Variants in TRHDE observed in about 807,000 individuals in gnomAD.
TRHDE encodes the protein thyrotropin-releasing hormone-degrading ectoenzyme.
In TRHDE, 72 loss-of-function variants were observed where a neutral mutation model predicts 125.7. The ratio of observed to expected loss-of-function variants is 0.57; its 90% confidence interval spans 0.47 to 0.70. The LOEUF is 0.70. Among genes scored for constraint, TRHDE ranks in the 30% least tolerant of loss-of-function variants. TRHDE has a pLI of 0.00. For missense variants in TRHDE, 1,110 were observed against 1,327.1 expected, an observed-to-expected ratio of 0.84 and a Z score of 2.54; for synonymous variants, 509 against 509.1, an observed-to-expected ratio of 1.00 and a Z score of 0.00.
chr12:72,632,676 G>T (rs181655655), intron 15 of TRHDE, among the ~76,000 whole-genome samples: 8 of 150,630 alleles, frequency 5.3e-5, no homozygotes, highest in East Asian at 3.9e-4. Flanking sequence ...AAATCATAAG[G>T]GTTCTTAAAT....
intron 5 of TRHDE, among the ~76,000 whole-genome samples, chr12:72,475,901 T>C (rs1876869822): frequency 6.6e-6 from 1 of 152,004 alleles, no homozygotes; most frequent in Non-Finnish European, 1.5e-5. Context: ...CTTATTATGA[T>C]GGGTTTTTTT....
chr12:72,361,456 T>G (rs1038177873), intron 2 of TRHDE, among the ~76,000 whole-genome samples: 3 of 151,866 alleles, frequency 2.0e-5, no homozygotes, highest in African/African-American at 7.2e-5. Flanking sequence ...ATCCAAAGCC[T>G]ATGTGAAAAA....
In TRHDE at chr12:72,286,740, A is replaced by G; in HGVS notation, c.974A>G (p.Asp325Gly). 1 of 1,613,852 alleles carries G rather than the reference A, an allele frequency of 6.2e-7. No homozygotes were observed. Among genetic ancestry groups the G allele is most frequent in the Non-Finnish European group, 8.5e-7 (1 of 1,179,946 alleles). ...THARKAFPCF[D>G]EPIYKATFKI... ...GCCAGAAAGGCATTTCCTTGTTTTG[A>G]TGAGCCAATCTACAAGGCTACTTTC... Residue 325 changes from aspartate (D) to glycine (G), a missense_variant, in exon 2 of 19, where the codon GAT becomes GGT. By Grantham distance (94) the Asp-to-Gly change is moderately conservative. Around this residue, in one of 5 missense-constraint regions of TRHDE, gnomAD observed 252 missense variants for 274.8 expected, o/e 0.92. Transcript: ENST00000261180.
chr12:72,335,301 A>G (rs1869782266), intron 2 of TRHDE, among the ~76,000 whole-genome samples: 1 of 152,194 alleles, frequency 6.6e-6, no homozygotes. Context: ...CAAAGGCTTT[A>G]TATCTATTTT....
At chr12:72,135,389 T>C (rs1875961211) in intron 2 of TRHDE, among the ~76,000 whole-genome samples, 2 of 152,156 alleles carry the variant, frequency 1.3e-5, no homozygotes, top group African/African-American at 4.8e-5. Context: ...GGTCTTTCCA[T>C]TGGTGACATG....
At chr12:72,337,178 C>T (rs1353041224) in intron 2 of TRHDE, among the ~76,000 whole-genome samples, 6 of 152,148 alleles carry the variant, frequency 3.9e-5, no homozygotes, top group South Asian at 2.1e-4. Context: ...TAGAAAGGTC[C>T]GGTTGCTCCA....
Position 72,273,436 on chromosome 12 carries a change from G to A in TRHDE, c.793G>A (p.Val265Met), listed in dbSNP as rs1411276197. The change falls in exon 1 of 19, where the codon GTG becomes ATG. Residue 265 changes from valine (V) to methionine (M), a missense_variant. Transcript: ENST00000261180. The surrounding 1 kb of genome is among the most constrained non-coding windows in gnomAD (Gnocchi z 5.3). ...LYPQTQVLVV[V>M]LNRTLDAQRN... Reference sequence around the variant, plus strand: ...CCCGCAAACCCAGGTCTTAGTGGTGGTGCTGAATAGGACACTGGACGCGCA... The same window carrying A: ...CCCGCAAACCCAGGTCTTAGTGGTGATGCTGAATAGGACACTGGACGCGCA... The A allele has an allele frequency of 3.7e-6, 6 of 1,614,162 alleles. No individual in the cohort carries two copies. The highest frequency in any genetic ancestry group is 4.2e-6 in the Non-Finnish European group (5 of 1,180,048).
At chr12:72,162,808 C>G (rs1876663469) in intron 2 of TRHDE, among the ~76,000 whole-genome samples, 1 of 151,574 alleles carries the variant, frequency 6.6e-6, no homozygotes, top group South Asian at 2.1e-4. Context: ...TTCTGGTTAT[C>G]TGAAATGCTA....
chr12:72,385,912 A>G (rs1872390507), intron 3 of TRHDE, among the ~76,000 whole-genome samples: 1 of 152,180 alleles, frequency 6.6e-6, no homozygotes, highest in Non-Finnish European at 1.5e-5. Context: ...TGAGATTATT[A>G]CTTCTCTAAA....
At chr12:72,368,536 A>G (rs895446547) in intron 2 of TRHDE, among the ~76,000 whole-genome samples, 4 of 152,094 alleles carry the variant, frequency 2.6e-5, no homozygotes, top group Non-Finnish European at 4.4e-5. Flanking sequence ...TGAAGAGCCA[A>G]TGTAAATTAG....
At chr12:72,410,279 C>A (rs992569181) in intron 3 of TRHDE, among the ~76,000 whole-genome samples, 3 of 151,986 alleles carry the variant, frequency 2.0e-5, no homozygotes, top group Non-Finnish European at 2.9e-5. Context: ...CTACAAAGAA[C>A]TCTGAGTTGA....
chr12:72,275,376 G>A lies in TRHDE; in HGVS notation c.914+1819G>A, dbSNP rs905335861. On this transcript the variant is annotated intron_variant, in intron 1 of 18. Transcript: ENST00000261180. ...GTATGATAGTTAAAACCTCCTATAA[G>A]TGAATGTATAAATTATTCACTTTCT... Among the ~76,000 whole-genome samples, 4 of 152,254 alleles carry A rather than the reference G, an allele frequency of 2.6e-5. No homozygotes were observed. In the East Asian group the frequency reaches 7.7e-4, roughly 29 times the overall value.
chr12:72,196,857 C>T (rs1877455745), intron 2 of TRHDE, among the ~76,000 whole-genome samples: 1 of 151,978 alleles, frequency 6.6e-6, no homozygotes, highest in Admixed American at 6.6e-5. Context: ...ATCCAAATCT[C>T]CCTCCAGATA....
At chr12:72,286,214 T>G (rs1409663534) in intron 1 of TRHDE, among the ~76,000 whole-genome samples, 1 of 152,236 alleles carries the variant, frequency 6.6e-6, no homozygotes, top group Non-Finnish European at 1.5e-5. Flanking sequence ...CCAGGCTGTG[T>G]CTTGTTGAAA....
At chr12:72,465,546 G>T (rs551239504) in intron 3 of TRHDE, among the ~76,000 whole-genome samples, 69 of 152,114 alleles carry the variant, frequency 4.5e-4, no homozygotes, top group South Asian at 1.2e-3. Context: ...TGTAACCATA[G>T]TTCATTTCTT....
At chr12:72,163,035 C>G (rs889696348) in intron 2 of TRHDE, 2 of 151,654 alleles carry the variant, frequency 1.3e-5, no homozygotes, top group African/African-American at 4.8e-5. Context: ...AAGCTGTCAT[C>G]TTTTGTAGCC....
rs138749308 is a variant in TRHDE at position 72,176,905 on chromosome 12, A to C, written n.279+71153A>C. On this transcript the variant is annotated intron_variant and non_coding_transcript_variant, in intron 2 of 4. Transcript: ENST00000548156. ...AATAATACCTTACAGAGAGGCAGAA[A>C]GCATGCAAGAAGAACAAGATAAATA... 2.2e-3 allele frequency among the ~76,000 whole-genome samples: 334 copies of C among 152,352 alleles called. 1 individual carries two copies. Among genetic ancestry groups the C allele is most frequent in the Non-Finnish European group, 3.6e-3 (244 of 68,030 alleles).
chr12:72,088,542 C>A (rs571560107), intron 1 of TRHDE, among the ~76,000 whole-genome samples: 1 of 151,530 alleles, frequency 6.6e-6, no homozygotes, highest in Admixed American at 6.6e-5. Flanking sequence ...TTACACAAAT[C>A]TAAATAAAAT....
chr12:72,419,643 T>G (rs1280865602), intron 3 of TRHDE, among the ~76,000 whole-genome samples: 1 of 152,112 alleles, frequency 6.6e-6, no homozygotes, highest in African/African-American at 2.4e-5. Flanking sequence ...TCTGCTCCCA[T>G]GATACAGTCA....
Sources: gnomAD v4.1 joint callset for allele counts (sites outside exome capture counted in the v4.1 genomes callset) on GRCh38, gnomAD v4.1.1 for gene constraint, gnomAD v4.1.1 regional missense constraint, Gnocchi (gnomAD v3.1) non-coding constraint, MANE v1.5 for transcripts, NCBI Gene and HGNC (gene_info 2026-07-23, HGNC 2026-07-21) for gene names.